SERGEF: variants seen among roughly 807,000 people sequenced by gnomAD.
SERGEF encodes the protein secretion regulating guanine nucleotide exchange factor.
SERGEF carries 51 observed loss-of-function variants against 50.0 expected under a neutral mutation model. That is an observed-to-expected ratio of 1.02 (90% CI 0.81 to 1.29). SERGEF has a LOEUF of 1.29. Among genes scored for constraint, SERGEF ranks in the 50% most tolerant of loss-of-function variants. SERGEF has a pLI of 0.00. For missense variants in SERGEF, 521 were observed against 557.0 expected (o/e 0.94, Z 0.65); for synonymous variants, 205 against 212.4 (o/e 0.97, Z 0.30).
At chr11:17,960,794 C>T (rs910083393) in intron 8 of SERGEF, among the ~76,000 whole-genome samples, 1 of 152,168 alleles carries the variant, frequency 6.6e-6, no homozygotes, top group East Asian at 1.9e-4. Flanking sequence ...AAGGTAGATA[C>T]CAAGCAGTTT....
chr11:17,978,118 G>A (rs367623986), intron 8 of SERGEF, among the ~76,000 whole-genome samples: 7 of 152,056 alleles, frequency 4.6e-5, no homozygotes, highest in East Asian at 3.9e-4. Flanking sequence ...GCCTCTCTGA[G>A]CCTCAATCCT....
chr11:17,845,685 A>C (rs1319896944), intron 10 of SERGEF, among the ~76,000 whole-genome samples: 1 of 152,224 alleles, frequency 6.6e-6, no homozygotes, highest in Admixed American at 6.5e-5. Flanking sequence ...CAAATGACTA[A>C]GACTGATACT....
chr11:17,924,634 C>A (rs1275926349), intron 9 of SERGEF, among the ~76,000 whole-genome samples: 1 of 134,818 alleles, frequency 7.4e-6, no homozygotes, highest in African/African-American at 2.9e-5. Context: ...TGGAGACAAA[C>A]ATAGAACAGT....
In SERGEF at chr11:17,884,403, G is replaced by A. The variant is rs1038054019; in HGVS notation, c.1012-6159C>T. 6.6e-6 allele frequency among the ~76,000 whole-genome samples: 1 copy of A among 152,150 alleles called. No homozygotes were observed. Among genetic ancestry groups the A allele is most frequent in the Admixed American group, 6.5e-5 (1 of 15,278 alleles). On this transcript the variant is annotated intron_variant, in intron 9 of 10. Coordinates refer to ENST00000265965, the MANE Select transcript of SERGEF (RefSeq NM_012139.4). The surrounding 1 kb of genome is among the most constrained non-coding windows in gnomAD (Gnocchi z 4.6). ...CCTGCGCCGCCTGGGTTAACAGGGC[G>A]AGGGAATGGGCGTCTCGGTGCCGCC...
intron 5 of SERGEF, 39 bp from the exon 6 acceptor site, chr11:17,995,948 C>T (rs569874563): frequency 7.0e-7 from 1 of 1,429,858 alleles, no homozygotes; most frequent in Middle Eastern, 1.7e-4. Flanking sequence ...AGAAGATGCA[C>T]ATCAGGATAA....
chr11:18,009,719 C>G (rs949443302), intron 1 of SERGEF, among the ~76,000 whole-genome samples: 3 of 151,638 alleles, frequency 2.0e-5, no homozygotes, highest in Admixed American at 2.0e-4. Context: ...GGCAATATGT[C>G]TATTATTATT....
intron 9 of SERGEF, among the ~76,000 whole-genome samples, chr11:17,889,964 G>T (rs1347545727): frequency 6.9e-6 from 1 of 145,368 alleles, no homozygotes; most frequent in Non-Finnish European, 1.5e-5. Context: ...ACAAATATAA[G>T]AGGTCACTGA....
At chr11:17,957,525 T>A (rs772559130) in intron 9 of SERGEF, among the ~76,000 whole-genome samples, 4 of 152,244 alleles carry the variant, frequency 2.6e-5, no homozygotes, top group African/African-American at 9.6e-5. Context: ...AAGCACTATT[T>A]ACAGGCTCTC....
At chr11:17,882,068 C>T (rs976320960) in intron 9 of SERGEF, among the ~76,000 whole-genome samples, 7 of 152,174 alleles carry the variant, frequency 4.6e-5, no homozygotes, top group African/African-American at 1.4e-4. Flanking sequence ...TTTATGCATG[C>T]TATGCTCCTT....
intron 10 of SERGEF, among the ~76,000 whole-genome samples, chr11:17,851,677 G>T (rs1565185259): frequency 6.6e-6 from 1 of 152,238 alleles, no homozygotes; most frequent in Non-Finnish European, 1.5e-5. Flanking sequence ...AAAAGTTGGA[G>T]AGTTAAAGGC....
intron 10 of SERGEF, among the ~76,000 whole-genome samples, chr11:17,815,802 G>C (rs1226561511): frequency 6.6e-6 from 1 of 151,732 alleles, no homozygotes; most frequent in Non-Finnish European, 1.5e-5. Flanking sequence ...GGTGCCTGTA[G>C]TCTCAGCTAC....
intron 9 of SERGEF, among the ~76,000 whole-genome samples, chr11:17,895,827 T>A (rs1374559068): frequency 3.9e-5 from 6 of 152,204 alleles, no homozygotes; most frequent in Admixed American, 3.3e-4. Flanking sequence ...ATAAAATATA[T>A]ATAATTTCAG....
intron 10 of SERGEF, among the ~76,000 whole-genome samples, chr11:17,874,754 G>A (rs1851211296): frequency 6.6e-6 from 1 of 152,148 alleles, no homozygotes; most frequent in African/African-American, 2.4e-5. Flanking sequence ...GCTTGGATGT[G>A]CAGATTCCCC....
intron 10 of SERGEF, among the ~76,000 whole-genome samples, chr11:17,834,757 C>A (rs761961781): frequency 2.6e-5 from 4 of 152,198 alleles, no homozygotes; most frequent in Non-Finnish European, 5.9e-5. Flanking sequence ...GTGTACTATT[C>A]CTACCTTTTT....
intron 9 of SERGEF, among the ~76,000 whole-genome samples, chr11:17,916,661 G>A (rs1280280574): frequency 6.6e-6 from 1 of 152,118 alleles, no homozygotes; most frequent in Non-Finnish European, 1.5e-5. Flanking sequence ...CACAATACCT[G>A]GCACATAATA....
intron 10 of SERGEF, among the ~76,000 whole-genome samples, chr11:17,819,164 C>T (rs551880929): frequency 1.3e-5 from 2 of 152,330 alleles, no homozygotes; most frequent in South Asian, 4.1e-4. Context: ...TCAGGATCTT[C>T]ATATACACCA....
At chr11:17,999,700 T>C in intron 5 of SERGEF, 1 of 371,136 alleles carries the variant, frequency 2.7e-6, no homozygotes, top group South Asian at 2.0e-5. Flanking sequence ...CCACTCACAG[T>C]ACAGGAGACA....
At chr11:17,913,547 T>C (rs1851991329) in intron 9 of SERGEF, among the ~76,000 whole-genome samples, 1 of 152,172 alleles carries the variant, frequency 6.6e-6, no homozygotes, top group Non-Finnish European at 1.5e-5. Context: ...GAAACCTATC[T>C]CAGAGGTAGC....
intron 9 of SERGEF, among the ~76,000 whole-genome samples, chr11:17,922,288 C>T (rs1852172701): frequency 6.6e-6 from 1 of 152,172 alleles, no homozygotes; most frequent in Admixed American, 6.5e-5. Flanking sequence ...ACAGATCACA[C>T]ACACTCACAG....
Sources: gnomAD v4.1 joint callset for allele counts (sites outside exome capture counted in the v4.1 genomes callset) on GRCh38, gnomAD v4.1.1 for gene constraint, Gnocchi (gnomAD v3.1) non-coding constraint, MANE v1.5 for transcripts, NCBI Gene and HGNC (gene_info 2026-07-23, HGNC 2026-07-21) for gene names.